The following SNX24 variants were observed in gnomAD, a reference collection of about 807,000 sequenced individuals.
SNX24 encodes the protein sorting nexin 24.
SNX24 carries 22 observed loss-of-function variants against 28.7 expected under a neutral mutation model. That is an observed-to-expected ratio of 0.77 (90% CI 0.55 to 1.10). SNX24 has a LOEUF of 1.10. SNX24 is among the 50% of genes least tolerant of loss of function. SNX24 has a pLI of 0.00. For missense variants in SNX24, 221 were observed against 201.1 expected (o/e 1.10, Z -0.60); for synonymous variants, 69 against 71.5 (o/e 0.96, Z 0.18).
At chr5:122,900,708 G>A (rs1324406554) in intron 1 of SNX24, among the ~76,000 whole-genome samples, 2 of 152,152 alleles carry the variant, frequency 1.3e-5, no homozygotes, top group Non-Finnish European at 2.9e-5. Context: ...GGTCAAGCCT[G>A]CAGTGAGCTG....
intron 4 of SNX24, among the ~76,000 whole-genome samples, chr5:123,000,222 C>T (rs1762200144): frequency 6.6e-6 from 1 of 152,200 alleles, no homozygotes; most frequent in Non-Finnish European, 1.5e-5. Context: ...GTTCGGTAAC[C>T]CATGTTTAGA....
At chr5:122,917,043 C>T (rs555643017) in intron 1 of SNX24, among the ~76,000 whole-genome samples, 6 of 152,098 alleles carry the variant, frequency 3.9e-5, no homozygotes, top group South Asian at 2.1e-4. Context: ...CTGAGGGGGA[C>T]GGATCACGAG....
Position 122,947,011 on chromosome 5 carries a change from G to A in SNX24, c.249+852G>A, listed in dbSNP as rs919799056. Among the ~76,000 whole-genome samples, 8 of 152,274 alleles carry A rather than the reference G, an allele frequency of 5.3e-5. No individual in the cohort carries two copies. The East Asian group carries it at 1.2e-3, about 22-fold the overall frequency. On this transcript the variant is annotated intron_variant, in intron 3 of 6. Coordinates refer to ENST00000261369, the MANE Select transcript of SNX24 (RefSeq NM_014035.4). ...AGGGCCAGTAGTATGGTCCCTCCCT[G>A]GCACCACTGGAGAAGCGACACATGA... is the stretch of plus-strand genomic sequence containing the variant.
At chr5:123,019,225 A>G (rs6859163) in intron 5 of SNX24, among the ~76,000 whole-genome samples, 35,148 of 151,912 alleles carry the variant, frequency 0.23, 5,192 homozygotes, top group Non-Finnish European at 0.34. Flanking sequence ...AGTAAAAGCC[A>G]TTATGTACTT....
At chr5:122,950,766 C>G (rs1446815301) in intron 3 of SNX24, among the ~76,000 whole-genome samples, 1 of 152,068 alleles carries the variant, frequency 6.6e-6, no homozygotes, top group Non-Finnish European at 1.5e-5. Flanking sequence ...GGGGTGATTT[C>G]CCTAATGAAT....
At chr5:122,856,664 C>T (rs1262978514) in intron 1 of SNX24, among the ~76,000 whole-genome samples, 2 of 151,716 alleles carry the variant, frequency 1.3e-5, no homozygotes, top group African/African-American at 2.4e-5. Context: ...TACAGGTGCC[C>T]GCCAACATGC....
At chr5:122,943,301 T>G (rs775558045) in intron 2 of SNX24, among the ~76,000 whole-genome samples, 1 of 152,174 alleles carries the variant, frequency 6.6e-6, no homozygotes, top group Non-Finnish European at 1.5e-5. Flanking sequence ...TTCCCTCCTG[T>G]GCTCATCCCG....
intron 3 of SNX24, among the ~76,000 whole-genome samples, chr5:122,963,455 C>T (rs1183010871): frequency 6.6e-6 from 1 of 152,144 alleles, no homozygotes; most frequent in Non-Finnish European, 1.5e-5. Flanking sequence ...TCTTCACACT[C>T]AGACTTCTCT....
rs1219326928 is a variant in SNX24, at chr5:122,938,661, C to CTAAGAAGGGTTGAAA, written c.144+1844_144+1845insTAAGAAGGGTTGAAA. On this transcript the variant is annotated intron_variant, in intron 2 of 6. Transcript: ENST00000261369. ...AGGTAACTTTAAAAGGCAATGAAGG[C>CTAAGAAGGGTTGAAA]CGGGCGCGGTGGCTCACGCCTGTAA... Among the ~76,000 whole-genome samples the CTAAGAAGGGTTGAAA allele has an allele frequency of 7.4e-3, 148 of 19,880 alleles. 6 individuals carry two copies. Among genetic ancestry groups the CTAAGAAGGGTTGAAA allele is most frequent in the Middle Eastern group, 0.021 (1 of 48 alleles). 13.0% of individuals were successfully genotyped at this position (19,880 alleles called of 152,430 possible).
intron 3 of SNX24, among the ~76,000 whole-genome samples, chr5:122,992,825 T>TA (rs1306312363): frequency 6.6e-6 from 1 of 152,240 alleles, no homozygotes; most frequent in Non-Finnish European, 1.5e-5. Context: ...GCTAAACAAA[T>TA]ACTTCTATAT....
At chr5:122,914,075 G>T (rs1758051736) in intron 1 of SNX24, among the ~76,000 whole-genome samples, 1 of 152,340 alleles carries the variant, frequency 6.6e-6, no homozygotes, top group Admixed American at 6.5e-5. Flanking sequence ...GTCCAGCTTT[G>T]GCTTGGCATC....
intron 3 of SNX24, among the ~76,000 whole-genome samples, chr5:122,993,443 C>T (rs375197441): frequency 5.3e-5 from 8 of 152,000 alleles, no homozygotes; most frequent in South Asian, 2.1e-4. Flanking sequence ...GGACTACAGG[C>T]GCCTGCCACC....
chr5:123,007,595 T>A, intron 6 of SNX24, 87 bp from the exon 7 acceptor site: 1 of 1,214,268 alleles, frequency 8.2e-7, no homozygotes, highest in Non-Finnish European at 1.2e-6. Context: ...ATTGCCTTGT[T>A]CCATTCTACA....
At chr5:122,974,381 A>G (rs1279273276) in intron 3 of SNX24, among the ~76,000 whole-genome samples, 1 of 152,226 alleles carries the variant, frequency 6.6e-6, no homozygotes, top group African/African-American at 2.4e-5. Flanking sequence ...AAATGGATCA[A>G]AATCTCTGTG....
chr5:123,001,501 C>T, intron 5 of SNX24, 64 bp downstream of exon 5: 7 of 1,129,346 alleles, frequency 6.2e-6, no homozygotes, highest in Admixed American at 2.1e-5. Flanking sequence ...TAATCACCTA[C>T]GATGTGTTTC....
chr5:123,027,329 T>C (rs1290522144), intron 5 of SNX24, among the ~76,000 whole-genome samples: 3 of 151,936 alleles, frequency 2.0e-5, no homozygotes, highest in Non-Finnish European at 4.4e-5. Flanking sequence ...GCCCAAAACA[T>C]TGTCTGTCCA....
At chr5:123,009,359 TATCTC>T (rs1414244582), downstream of SNX24, 34 of 335,168 alleles carry the variant, frequency 1.0e-4, no homozygotes, top group Non-Finnish European at 1.3e-4. Flanking sequence ...TATAATAAAT[TATCTC>T]ATCTATTAAG....
In SNX24 at chr5:122,885,208, G is replaced by C. The variant is rs553635797; in HGVS notation, c.60+39515G>C. ...CCAAAGCCAGTCCTCTGTATTGGGG[G>C]CTTCCCATTTTTCTTGGATGTTGCT... is the stretch of plus-strand genomic sequence containing the variant. On this transcript the variant is annotated intron_variant, in intron 1 of 6. Transcript: ENST00000261369. Among the ~76,000 whole-genome samples the C allele has an allele frequency of 3.9e-5, 6 of 152,232 alleles. No homozygotes were observed. In the East Asian group the frequency reaches 9.7e-4, roughly 25 times the overall value.
intron 3 of SNX24, 52 bp from the exon 4 acceptor site, chr5:122,999,860 A>G: frequency 6.8e-6 from 7 of 1,033,826 alleles, no homozygotes; most frequent in Non-Finnish European, 9.2e-6. Flanking sequence ...CATTTGATTG[A>G]TCACCTAGCA....
Sources: gnomAD v4.1 joint callset for allele counts (sites outside exome capture counted in the v4.1 genomes callset) on GRCh38, gnomAD v4.1.1 for gene constraint, MANE v1.5 for transcripts, NCBI Gene and HGNC (gene_info 2026-07-23, HGNC 2026-07-21) for gene names.